PGM5: variants seen among roughly 807,000 people sequenced by gnomAD.
The protein encoded by PGM5 is phosphoglucomutase-like protein 5.
A neutral mutation model predicts 59.2 loss-of-function variants in PGM5; 23 were observed. The observed-to-expected ratio is 0.39, with a 90% CI of 0.28 to 0.55. The LOEUF (loss-of-function observed/expected upper bound fraction) is 0.55, where lower values mean the gene tolerates loss of function less well. PGM5 is among the 20% of genes least tolerant of loss of function. PGM5 has a pLI of 0.66. For synonymous variants in PGM5, 214 were observed against 286.0 expected (o/e 0.75, Z 2.54); for missense variants, 574 against 748.3 (o/e 0.77, Z 2.72).
chr9:68,530,668 T>C lies in PGM5; in HGVS notation c.*1012T>C, dbSNP rs943981682. 6.6e-6 allele frequency: 1 copy of C among 152,208 alleles called. No individual in the cohort carries two copies. The highest frequency in any genetic ancestry group is 1.5e-5 in the Non-Finnish European group (1 of 68,044). 9.4% of individuals were successfully genotyped at this position (152,208 alleles called of 1,614,324 possible). On this transcript the variant is annotated 3_prime_UTR_variant, in exon 11 of 11. Coordinates refer to ENST00000396396, the MANE Select transcript of PGM5 (RefSeq NM_021965.4). ...ATGAAGTGGAAGCTGGAAGAAAATG[T>C]AATTGGTGGTACAGCTATGGGCCAG...
chr9:68,367,202 G>A (rs1422120659), intron 1 of PGM5, among the ~76,000 whole-genome samples: 1 of 151,918 alleles, frequency 6.6e-6, no homozygotes, highest in Admixed American at 6.6e-5. Flanking sequence ...CTTTTTTGGT[G>A]TGGTCTGTGC....
chr9:68,375,867 G>C (rs1821866106), intron 1 of PGM5, among the ~76,000 whole-genome samples: 1 of 152,222 alleles, frequency 6.6e-6, no homozygotes. Flanking sequence ...ACAGTAGAGG[G>C]CAGGTATGTT....
chr9:68,445,180 C>G (rs921010194), intron 6 of PGM5, among the ~76,000 whole-genome samples: 4 of 151,412 alleles, frequency 2.6e-5, no homozygotes, highest in Non-Finnish European at 5.9e-5. Flanking sequence ...TGTTAGAGTG[C>G]GTAAGAATCT....
chr9:68,516,471 T>C (rs1286905298), intron 10 of PGM5, among the ~76,000 whole-genome samples: 1 of 152,204 alleles, frequency 6.6e-6, no homozygotes, highest in Non-Finnish European at 1.5e-5. Context: ...TGCTTGTAAC[T>C]GGTTACCTCA....
chr9:68,512,631 A>G (rs1421675872), intron 10 of PGM5, among the ~76,000 whole-genome samples: 2 of 152,130 alleles, frequency 1.3e-5, no homozygotes, highest in Non-Finnish European at 2.9e-5. Flanking sequence ...TCCCCTTTTA[A>G]TAAGGACACC....
At chr9:68,404,093 G>T (rs1459251787) in intron 6 of PGM5, among the ~76,000 whole-genome samples, 1 of 152,048 alleles carries the variant, frequency 6.6e-6, no homozygotes, top group African/African-American at 2.4e-5. Flanking sequence ...GGGTAAAGTG[G>T]GTTAAGCAGG....
At chr9:68,510,937 A>T (rs1824739249) in intron 10 of PGM5, among the ~76,000 whole-genome samples, 1 of 152,242 alleles carries the variant, frequency 6.6e-6, no homozygotes, top group Non-Finnish European at 1.5e-5. Context: ...CTGAAGAGGT[A>T]AAGTCAGTAT....
At chr9:68,517,938 T>C (rs968562123) in intron 10 of PGM5, among the ~76,000 whole-genome samples, 6 of 152,234 alleles carry the variant, frequency 3.9e-5, no homozygotes, top group African/African-American at 1.2e-4. Flanking sequence ...CTAGGGAATT[T>C]GTCCATCTAG....
At chr9:68,367,719 A>G (rs7873212) in intron 1 of PGM5, among the ~76,000 whole-genome samples, 46,670 of 151,378 alleles carry the variant, frequency 0.31, 7,444 homozygotes, top group Admixed American at 0.36. Flanking sequence ...AGAGGTCTTT[A>G]GTTCACTGGA....
At position 68,528,234 on chromosome 9, in the gene PGM5, A is replaced by G. The variant is rs148275036; in HGVS notation, c.1615-1333A>G. On this transcript the variant is annotated intron_variant, in intron 10 of 10. Transcript: ENST00000396396. The stretch of plus-strand genomic sequence containing the variant: ...ATATTAATAGGTGTCTTTATTTTTT[A>G]TTTTATTTTTATTTTTTCTTTTTAG... Among the ~76,000 whole-genome samples the G allele has an allele frequency of 1.8e-4, 27 of 151,920 alleles. No individual in the cohort carries two copies. The East Asian group carries it at 5.2e-3, about 29-fold the overall frequency.
At chr9:68,477,598 T>C (rs564953642) in intron 7 of PGM5, among the ~76,000 whole-genome samples, 2 of 152,354 alleles carry the variant, frequency 1.3e-5, no homozygotes, top group South Asian at 4.1e-4. Context: ...CTTAAGACAT[T>C]ACTATTGCTA....
At chr9:68,370,362 C>A (rs1821661034) in intron 1 of PGM5, among the ~76,000 whole-genome samples, 2 of 151,970 alleles carry the variant, frequency 1.3e-5, no homozygotes, top group Non-Finnish European at 2.9e-5. Flanking sequence ...TGAAAGAAAT[C>A]CTGCTTTCAT....
At chr9:68,392,593 A>G in intron 6 of PGM5, 120 bp downstream of exon 6, 1 of 1,493,514 alleles carries the variant, frequency 6.7e-7, no homozygotes, top group South Asian at 1.4e-5. Context: ...AAAGCATGGG[A>G]ACACGGTATA....
chr9:68,431,330 A>G (rs1415989032), intron 6 of PGM5, among the ~76,000 whole-genome samples: 1 of 152,134 alleles, frequency 6.6e-6, no homozygotes, highest in African/African-American at 2.4e-5. Flanking sequence ...CTGTTTCTGT[A>G]TCACAGGAAC....
At chr9:68,400,084 T>C (rs1316674585) in intron 6 of PGM5, among the ~76,000 whole-genome samples, 1 of 152,170 alleles carries the variant, frequency 6.6e-6, no homozygotes, top group African/African-American at 2.4e-5. Flanking sequence ...ATTGTAATAG[T>C]CAATAAACTG....
At chr9:68,483,566 C>A (rs1824235025) in intron 8 of PGM5, among the ~76,000 whole-genome samples, 1 of 152,164 alleles carries the variant, frequency 6.6e-6, no homozygotes, top group Admixed American at 6.5e-5. Context: ...TGGGCCAGGG[C>A]AGATCCCACA....
At chr9:68,445,272 T>C (rs1587812544) in intron 6 of PGM5, among the ~76,000 whole-genome samples, 1 of 152,248 alleles carries the variant, frequency 6.6e-6, no homozygotes, top group East Asian at 1.9e-4. Flanking sequence ...TCTGATCCAT[T>C]CTTTCTGAAC....
At chr9:68,514,732 C>T (rs1824800335) in intron 10 of PGM5, among the ~76,000 whole-genome samples, 1 of 152,218 alleles carries the variant, frequency 6.6e-6, no homozygotes, top group Non-Finnish European at 1.5e-5. Flanking sequence ...ATTGTCTCCA[C>T]ACCAGACAAA....
intron 10 of PGM5, among the ~76,000 whole-genome samples, chr9:68,515,107 A>G (rs529786878): frequency 6.6e-6 from 1 of 152,358 alleles, no homozygotes; most frequent in South Asian, 2.1e-4. Context: ...AGTCTAGCAC[A>G]CTTCAATTAC....
Sources: allele counts gnomAD v4.1 joint callset (sites outside exome capture counted in the v4.1 genomes callset), GRCh38; gene constraint gnomAD v4.1.1; transcripts MANE v1.5; gene names NCBI Gene and HGNC (gene_info 2026-07-23, HGNC 2026-07-21).